Variants in MMP9 observed in about 807,000 individuals in gnomAD.
MMP9 encodes the protein matrix metalloproteinase-9.
A neutral mutation model predicts 76.4 loss-of-function variants in MMP9; 73 were observed. The observed-to-expected ratio is 0.96, with a 90% CI of 0.79 to 1.16. The LOEUF (loss-of-function observed/expected upper bound fraction) is 1.16, where lower values mean the gene tolerates loss of function less well. Among genes scored for constraint, MMP9 ranks in the 50% most tolerant of loss-of-function variants. The pLI is 0.00. For missense variants in MMP9, 943 were observed against 973.0 expected (o/e 0.97, Z 0.41); for synonymous variants, 412 against 408.4 (o/e 1.01, Z -0.11).
At position 46,009,004 on chromosome 20, in the gene MMP9, C is replaced by G. The variant is rs1231709173; in HGVS notation, c.78C>G (p.Ser26=). The change falls in exon 1 of 13, where the codon TCC becomes TCG. Residue 26 remains serine, a synonymous_variant. Transcript: ENST00000372330. ...TTGCTGCCCCCAGACAGCGCCAGTC[C>G]ACCCTTGTGCTCTTCCCTGGAGACC... The part of the protein sequence containing the change: ...CCFAAPRQRQ[S]TLVLFPGDLR... 2 of 1,613,988 alleles carry G rather than the reference C, an allele frequency of 1.2e-6. No homozygotes were observed. Among genetic ancestry groups the G allele is most frequent in the Non-Finnish European group, 8.5e-7 (1 of 1,179,954 alleles).
Position 46,012,154 on chromosome 20 carries a change from G to C in MMP9, c.1015G>C (p.Gly339Arg). 2 of 1,614,080 alleles carry C rather than the reference G, an allele frequency of 1.2e-6. No individual in the cohort carries two copies. The highest frequency in any genetic ancestry group is 1.7e-6 in the Non-Finnish European group (2 of 1,180,028). ...CPTRADSTVM[G>R]GNSAGELCVF... ...CTCTCCAGCTGACTCGACGGTGATG[G>C]GGGGCAACTCGGCGGGGGAGCTGTG... Residue 339 changes from glycine to arginine, a missense_variant, in exon 7 of 13, where the codon GGG (glycine) becomes CGG (arginine). Coordinates refer to ENST00000372330, the MANE Select transcript of MMP9 (RefSeq NM_004994.3).
chr20:46,010,840 T>C (rs2084273910), intron 3 of MMP9, 82 bp from the exon 4 acceptor site: 1 of 1,611,722 alleles, frequency 6.2e-7, no homozygotes, highest in Non-Finnish European at 8.5e-7. Flanking sequence ...CCCGCACTTA[T>C]TTCGGAGCCC....
intron 2 of MMP9, 34 bp downstream of exon 2, chr20:46,010,132 C>A: frequency 2.4e-6 from 2 of 850,758 alleles, no homozygotes; most frequent in Non-Finnish European, 3.6e-6. Flanking sequence ...CGGGGTGGGG[C>A]GGGGAGGCCA....
chr20:46,009,937 G>C lies in MMP9; in HGVS notation c.210G>C (p.Ala70=). 6.4e-7 allele frequency: 1 copy of C among 1,552,184 alleles called. No individual in the cohort carries two copies. Residue 70 remains alanine (A), a synonymous_variant, in exon 2 of 13, where the codon GCG becomes GCC. Coordinates refer to ENST00000372330, the MANE Select transcript of MMP9 (RefSeq NM_004994.3). ...GAGAGTCGAAATCTCTGGGGCCTGC[G>C]CTGCTGCTTCTCCAGAAGCAACTGT... ...MRGESKSLGP[A]LLLLQKQLSL...
chr20:46,012,238 G>C lies in MMP9; in HGVS notation c.1099G>C (p.Gly367Arg), dbSNP rs758685219. 1 of 1,614,120 alleles carries C rather than the reference G, an allele frequency of 6.2e-7. No individual in the cohort carries two copies. Among genetic ancestry groups the C allele is most frequent in the South Asian group, 1.1e-5 (1 of 91,090 alleles). ...CTCGACCTGTACCAGCGAGGGCCGC[G>C]GAGATGGGCGCCTCTGGTGCGCTAC... ...EYSTCTSEGRGDGRLWCATTS... is the reference protein window; with the variant it reads ...EYSTCTSEGRRDGRLWCATTS... The change falls in exon 7 of 13, where the codon GGA becomes CGA. Residue 367 changes from glycine (G) to arginine (R), a missense_variant. Coordinates refer to ENST00000372330, the MANE Select transcript of MMP9 (RefSeq NM_004994.3).
At chr20:46,010,343 A>AAAAAAAAAAAAAAAGT in intron 2 of MMP9, 140 bp from the exon 3 acceptor site, 1 of 926,568 alleles carries the variant, frequency 1.1e-6, no homozygotes, top group Non-Finnish European at 1.6e-6. Flanking sequence ...AAAAAAAAAC[A>AAAAAAAAAAAAAAAGT]GTCTGGAAGC....
Position 46,016,300 on chromosome 20 carries a change from A to C in MMP9, c.2056A>C (p.Ser686Arg). The C allele has an allele frequency of 6.2e-7, 1 of 1,614,206 alleles. No individual in the cohort carries two copies. Among genetic ancestry groups the C allele is most frequent in the Non-Finnish European group, 8.5e-7 (1 of 1,180,034 alleles). The change falls in exon 13 of 13, where the codon AGT becomes CGT. Residue 686 changes from serine (S) to arginine (R), a missense_variant. Transcript: ENST00000372330. ...CTTCTACTGGCGCGTGAGTTCCCGG[A>C]GTGAGTTGAACCAGGTGGACCAAGT... Reference protein sequence around the residue: ...DRFYWRVSSRSELNQVDQVGY... With the variant: ...DRFYWRVSSRRELNQVDQVGY...
chr20:46,010,377 G>T, intron 2 of MMP9, 106 bp from the exon 3 acceptor site: 2 of 1,121,196 alleles, frequency 1.8e-6, no homozygotes, highest in East Asian at 2.3e-5. Flanking sequence ...GAGCGTGGAC[G>T]GCAGAGAGCA....
At position 46,011,729 on chromosome 20, in the gene MMP9, G is replaced by A. The variant is rs199569524; in HGVS notation, c.979G>A (p.Gly327Ser). 1.2e-6 allele frequency: 2 copies of A among 1,612,612 alleles called. No homozygotes were observed. The highest frequency in any genetic ancestry group is 2.2e-5 in the East Asian group (1 of 44,870). Reference sequence around the variant, plus strand: ...CAACTACGACCGGGACAAGCTCTTCGGCTTCTGCCCGACCCGAGGTACCTC... The same window carrying A: ...CAACTACGACCGGGACAAGCTCTTCAGCTTCTGCCCGACCCGAGGTACCTC... ...TANYDRDKLF[G>S]FCPTRADSTV... Residue 327 changes from glycine to serine, a missense_variant, in exon 6 of 13, where the codon GGC becomes AGC. Gly to Ser is a moderately conservative substitution (Grantham distance 56, BLOSUM62 0). Transcript: ENST00000372330.
intron 12 of MMP9, among the ~76,000 whole-genome samples, chr20:46,015,567 C>T (rs543091869): frequency 1.3e-5 from 2 of 151,512 alleles, no homozygotes; most frequent in East Asian, 3.9e-4. Context: ...TCTCCTGCCT[C>T]AGCCTCCCAA....
rs2084289071 is a variant in MMP9 at position 46,012,529 on chromosome 20, C to T, written c.1277C>T (p.Thr426Ile). 1 of 1,613,982 alleles carries T rather than the reference C, an allele frequency of 6.2e-7. No homozygotes were observed. The highest frequency in any genetic ancestry group is 1.3e-5 in the African/African-American group (1 of 75,054). ...CTCATGTACCCTATGTACCGCTTCA[C>T]TGAGGGGCCCCCCTTGCATAAGGAC... is the stretch of plus-strand genomic sequence containing the variant. ...EALMYPMYRF[T>I]EGPPLHKDDV... is the part of the protein sequence containing the mutation. The change falls in exon 8 of 13, where the codon ACT becomes ATT. Residue 426 changes from threonine (T) to isoleucine (I), a missense_variant. Coordinates refer to ENST00000372330, the MANE Select transcript of MMP9 (RefSeq NM_004994.3).
intron 1 of MMP9, among the ~76,000 whole-genome samples, chr20:46,009,503 C>T (rs922058514): frequency 1.3e-5 from 2 of 151,986 alleles, no homozygotes; most frequent in Non-Finnish European, 2.9e-5. Context: ...AATGTTAGTC[C>T]CTGCTGGGCA....
rs200236055 is a variant in MMP9, at chr20:46,013,300, C to G, written c.1376C>G (p.Pro459Arg). The G allele has an allele frequency of 2.5e-6, 4 of 1,613,998 alleles. No homozygotes were observed. The highest frequency in any genetic ancestry group is 1.1e-5 in the South Asian group (1 of 91,074). The change falls in exon 9 of 13, where the codon CCG becomes CGG. Residue 459 changes from proline to arginine, a missense_variant. By Grantham distance (103) the Pro-to-Arg change is moderately radical. Coordinates refer to ENST00000372330, the MANE Select transcript of MMP9 (RefSeq NM_004994.3). This position sits in a 1 kb window ranked among gnomAD's most constrained non-coding sequence, Gnocchi z 4.5. ...PEPRPPTTTT[P>R]QPTAPPTVCP... ...CCACGGCCTCCAACCACCACCACAC[C>G]GCAGCCCACGGCTCCCCCGACGGTC... is the stretch of plus-strand genomic sequence containing the variant.
rs2084274389 is a variant in MMP9 at position 46,010,916 on chromosome 20, C to T, written c.521-6C>T. On this transcript the variant is annotated splice_region_variant and splice_polypyrimidine_tract_variant and intron_variant, in intron 3 of 12. Transcript: ENST00000372330. ...TAACCCTCTTCCTCTCGACCTGTTT[C>T]TTCAGAGCACGGAGACGGGTATCCC... is the stretch of plus-strand genomic sequence containing the variant. 6.2e-7 allele frequency: 1 copy of T among 1,614,148 alleles called. No homozygotes were observed. The highest frequency in any genetic ancestry group is 1.3e-5 in the African/African-American group (1 of 74,950).
At chr20:46,014,709 A>G in intron 12 of MMP9, 1 of 590,942 alleles carries the variant, frequency 1.7e-6, no homozygotes, top group South Asian at 2.0e-5. Context: ...CTCCTTCAGT[A>G]CAGGACGGCA....
intron 6 of MMP9, 117 bp downstream of exon 6, chr20:46,011,864 A>G (rs2084282126): frequency 1.5e-6 from 2 of 1,295,686 alleles, no homozygotes; most frequent in Non-Finnish European, 2.2e-6. Context: ...CCTCAGGACG[A>G]CCGTGACTCC....
At position 46,011,159 on chromosome 20, in the gene MMP9, T is replaced by C. The variant is rs1034027951; in HGVS notation, c.666T>C (p.Phe222=). The C allele has an allele frequency of 4.3e-6, 7 of 1,614,164 alleles. No individual in the cohort carries two copies. In the African/African-American group the frequency reaches 8.0e-5, roughly 18 times the overall value. Reference sequence around the variant, plus strand: ...CTCCTGCAGTGGTTCCAACTCGGTTTGGAAACGCAGATGGCGCGGCCTGCC... The same window carrying C: ...CTCCTGCAGTGGTTCCAACTCGGTTCGGAAACGCAGATGGCGCGGCCTGCC... ...LGKGVVVPTR[F]GNADGAACHF... is the part of the protein sequence containing the mutation. The change falls in exon 5 of 13, where the codon TTT becomes TTC. Residue 222 remains phenylalanine, a synonymous_variant. Coordinates refer to ENST00000372330, the MANE Select transcript of MMP9 (RefSeq NM_004994.3).
chr20:46,012,403 G>T (rs536902252), intron 7 of MMP9, 24 bp from the exon 8 acceptor site: 2 of 1,613,876 alleles, frequency 1.2e-6, no homozygotes, highest in Non-Finnish European at 1.7e-6. Flanking sequence ...CGGCGCTCAC[G>T]TCTCAGGCTC....
rs1555856976 is a variant in MMP9 at position 46,010,331 on chromosome 20, A to AACAAACAAAC, written c.372-151_372-150insCAAACAAACA. The AACAAACAAAC allele has an allele frequency of 2.9e-3, 2,221 of 754,238 alleles. 37 individuals are homozygous for AACAAACAAAC. The highest frequency in any genetic ancestry group is 0.011 in the East Asian group (397 of 36,052). The allele number at this position is 754,238 out of a possible 1,614,324, so 46.7% of individuals were successfully genotyped here. On this transcript the variant is annotated intron_variant, in intron 2 of 12. Coordinates refer to ENST00000372330, the MANE Select transcript of MMP9 (RefSeq NM_004994.3). ...GAGGGTCTAAGTAGACAAAAAAAAAAAAAAAAAAAACAGTCTGGAAGCAAT... is the reference window on the plus strand; with the variant it reads ...GAGGGTCTAAGTAGACAAAAAAAAAAACAAACAAACAAAAAAAAAACAGTCTGGAAGCAAT...
Sources: gnomAD v4.1 joint callset for allele counts (sites outside exome capture counted in the v4.1 genomes callset) on GRCh38, gnomAD v4.1.1 for gene constraint, Gnocchi (gnomAD v3.1) non-coding constraint, MANE v1.5 for transcripts, NCBI Gene and HGNC (gene_info 2026-07-23, HGNC 2026-07-21) for gene names.